Variants in RBM18 observed in about 807,000 individuals in gnomAD.
The protein encoded by RBM18 is RNA binding motif protein 18.
A neutral mutation model predicts 26.4 loss-of-function variants in RBM18; 18 were observed. The observed-to-expected ratio is 0.68, with a 90% CI of 0.47 to 1.01. RBM18 has a LOEUF of 1.01. Ranked by LOEUF, RBM18 falls within the 50% of genes least tolerant of loss-of-function variation. RBM18 has a pLI of 0.00. For missense variants in RBM18, 180 were observed against 219.2 expected (o/e 0.82, Z 1.13); for synonymous variants, 74 against 81.1 (o/e 0.91, Z 0.47).
At chr9:122,246,984 C>T (rs535766595) in intron 4 of RBM18, among the ~76,000 whole-genome samples, 1 of 152,208 alleles carries the variant, frequency 6.6e-6, no homozygotes, top group South Asian at 2.1e-4. Flanking sequence ...ACAGGGCAGC[C>T]TGCTACTTCT....
At chr9:122,247,785 G>GT (rs34974193) in intron 3 of RBM18, among the ~76,000 whole-genome samples, 181 bp from the exon 4 acceptor site, 63,071 of 132,408 alleles carry the variant, frequency 0.48, 16,294 homozygotes, top group East Asian at 0.82. Flanking sequence ...TTTTTTTGTT[G>GT]TTTTTTTTTT....
At chr9:122,247,006 C>T (rs1299067059) in intron 4 of RBM18, among the ~76,000 whole-genome samples, 1 of 152,104 alleles carries the variant, frequency 6.6e-6, no homozygotes, top group African/African-American at 2.4e-5. Context: ...AGGACTTAGA[C>T]ACAATACAGA....
At chr9:122,262,570 G>A (rs1831817292) in intron 1 of RBM18, among the ~76,000 whole-genome samples, 1 of 142,340 alleles carries the variant, frequency 7.0e-6, no homozygotes, top group Non-Finnish European at 1.6e-5. Flanking sequence ...TCAAATTGTG[G>A]CATTTCTTTC....
intron 2 of RBM18, among the ~76,000 whole-genome samples, chr9:122,254,941 T>C (rs995609894): frequency 6.6e-6 from 1 of 152,104 alleles, no homozygotes; most frequent in Non-Finnish European, 1.5e-5. Flanking sequence ...CTGGGTTGTG[T>C]CAGTGTGAGT....
rs138997990 is a variant in RBM18 at position 122,260,299 on chromosome 9, T to C, written c.113+1081A>G. The stretch of plus-strand genomic sequence containing the variant: ...AGGTGGAGGTTGCAGTGAGCCAAGA[T>C]TGTGCAACTACACTCCAGCCTGGGC... On this transcript the variant is annotated intron_variant, in intron 2 of 5. Transcript: ENST00000417201. Among the ~76,000 whole-genome samples the C allele has an allele frequency of 5.4e-3, 818 of 152,210 alleles. 11 individuals are homozygous for C. Among genetic ancestry groups the C allele is most frequent in the African/African-American group, 0.018 (768 of 41,536 alleles).
At position 122,247,652 on chromosome 9, in the gene RBM18, T is replaced by C. The variant is rs751038423; in HGVS notation, c.241-48A>G. 6.4e-6 allele frequency: 9 copies of C among 1,404,016 alleles called. No homozygotes were observed. In the Admixed American group the frequency reaches 1.0e-4, roughly 16 times the overall value. The allele number at this position is 1,404,016 out of a possible 1,614,324, so 87.0% of individuals were successfully genotyped here. ...TTAGTTAAAAACTGAAATGCTTAACTAGCTATATGTATTCTCACAGGGCTT... is the reference window on the plus strand; with the variant it reads ...TTAGTTAAAAACTGAAATGCTTAACCAGCTATATGTATTCTCACAGGGCTT... On this transcript the variant is annotated intron_variant, in intron 3 of 5. Coordinates refer to ENST00000417201, the MANE Select transcript of RBM18 (RefSeq NM_033117.4).
chr9:122,260,640 C>T (rs968675937), intron 2 of RBM18, among the ~76,000 whole-genome samples: 1 of 152,160 alleles, frequency 6.6e-6, no homozygotes, highest in Non-Finnish European at 1.5e-5. Flanking sequence ...AGCTGGGTCC[C>T]ATCAGAGGTT....
intron 5 of RBM18, among the ~76,000 whole-genome samples, chr9:122,242,272 G>C (rs958685038): frequency 1.3e-5 from 2 of 152,208 alleles, no homozygotes; most frequent in Non-Finnish European, 1.5e-5. Context: ...GGACATTGTT[G>C]GGAGTACTTC....
At chr9:122,249,409 T>C (rs1831561706) in intron 3 of RBM18, among the ~76,000 whole-genome samples, 1 of 152,194 alleles carries the variant, frequency 6.6e-6, no homozygotes, top group Non-Finnish European at 1.5e-5. Flanking sequence ...TCACTGATTT[T>C]AGTTGTCTGC....
At chr9:122,262,149 C>T (rs1831808646) in intron 1 of RBM18, among the ~76,000 whole-genome samples, 1 of 152,178 alleles carries the variant, frequency 6.6e-6, no homozygotes, top group Non-Finnish European at 1.5e-5. Flanking sequence ...TCACTAAATA[C>T]TGTATCTAAC....
At chr9:122,263,320 C>T (rs1256904922) in intron 1 of RBM18, among the ~76,000 whole-genome samples, 1 of 152,182 alleles carries the variant, frequency 6.6e-6, no homozygotes, top group African/African-American at 2.4e-5. Flanking sequence ...GGGCTATGTA[C>T]TGAAATAGAC....
At chr9:122,243,999 A>G (rs1211005658) in intron 5 of RBM18, 1 of 323,168 alleles carries the variant, frequency 3.1e-6, no homozygotes, top group Non-Finnish European at 4.4e-6. Context: ...ATCTCTTTCA[A>G]ATAGGAGTTA....
At chr9:122,258,258 GTTCTTTCT>G (rs111604544) in intron 2 of RBM18, among the ~76,000 whole-genome samples, 25 of 152,004 alleles carry the variant, frequency 1.6e-4, no homozygotes, top group Middle Eastern at 3.4e-3. Context: ...ATGATTGGTA[GTTCTTTCT>G]TTCTTTCTTT....
intron 2 of RBM18, among the ~76,000 whole-genome samples, chr9:122,259,960 C>T (rs576512681): frequency 6.6e-6 from 1 of 152,154 alleles, no homozygotes; most frequent in African/African-American, 2.4e-5. Context: ...TCCCAAAGTG[C>T]TGGGATTATA....
chr9:122,247,702 T>C, intron 3 of RBM18, 98 bp from the exon 4 acceptor site: 1 of 885,402 alleles, frequency 1.1e-6, no homozygotes, highest in African/African-American at 1.6e-5. Flanking sequence ...GCTGAGTTTC[T>C]AACAAATTGT....
intron 2 of RBM18, among the ~76,000 whole-genome samples, chr9:122,259,122 T>G (rs970788742): frequency 1.4e-4 from 22 of 152,100 alleles, no homozygotes; most frequent in African/African-American, 5.3e-4. Flanking sequence ...GATTCAATGT[T>G]CCTGCCAATG....
intron 2 of RBM18, among the ~76,000 whole-genome samples, chr9:122,253,842 A>AT (rs1386458799): frequency 2.6e-5 from 4 of 152,000 alleles, no homozygotes; most frequent in African/African-American, 7.3e-5. Context: ...CCTGACTAAC[A>AT]TGGTGAAACC....
At chr9:122,254,316 C>T (rs1831654154) in intron 2 of RBM18, 1 of 965,046 alleles carries the variant, frequency 1.0e-6, no homozygotes, top group South Asian at 4.8e-5. Context: ...TGTCTTTCAA[C>T]TTCTCCAGGA....
intron 5 of RBM18, among the ~76,000 whole-genome samples, chr9:122,244,947 T>C (rs1831479936): frequency 6.6e-6 from 1 of 152,354 alleles, no homozygotes; most frequent in African/African-American, 2.4e-5. Context: ...CAAGGCCTTA[T>C]TAAAATGCTT....
Sources: allele counts gnomAD v4.1 joint callset (sites outside exome capture counted in the v4.1 genomes callset), GRCh38; gene constraint gnomAD v4.1.1; transcripts MANE v1.5; gene names NCBI Gene and HGNC (gene_info 2026-07-23, HGNC 2026-07-21).